Variants in SEMA3A observed in about 807,000 individuals in gnomAD.
SEMA3A encodes the protein semaphorin 3A.
A neutral mutation model predicts 97.9 loss-of-function variants in SEMA3A; 29 were observed. The ratio of observed to expected loss-of-function variants is 0.30; its 90% confidence interval spans 0.22 to 0.40. The LOEUF is 0.40. Among genes scored for constraint, SEMA3A ranks in the 10% least tolerant of loss-of-function variants. SEMA3A has a pLI of 1.00. For missense variants in SEMA3A, 763 were observed against 951.3 expected, an observed-to-expected ratio of 0.80 and a Z score of 2.60; for synonymous variants, 321 against 323.7, an observed-to-expected ratio of 0.99 and a Z score of 0.09.
At chr7:84,414,105 G>A (rs970991462) in intron 1 of SEMA3A, among the ~76,000 whole-genome samples, 1 of 151,962 alleles carries the variant, frequency 6.6e-6, no homozygotes, top group Non-Finnish European at 1.5e-5. Flanking sequence ...GCACCAACTT[G>A]AGCAATTTGA....
chr7:84,214,507 T>G (rs1242834818), intron 3 of SEMA3A, among the ~76,000 whole-genome samples: 1 of 152,150 alleles, frequency 6.6e-6, no homozygotes, highest in African/African-American at 2.4e-5. Context: ...AACATATTAT[T>G]CCAACTTCCT....
At chr7:84,059,092 A>G (rs934125693) in intron 5 of SEMA3A, among the ~76,000 whole-genome samples, 9 of 152,178 alleles carry the variant, frequency 5.9e-5, no homozygotes, top group Non-Finnish European at 1.0e-4. Flanking sequence ...AATAACTATA[A>G]GCTGTAAGTT....
intron 3 of SEMA3A, among the ~76,000 whole-genome samples, chr7:84,244,716 G>C (rs1430019299): frequency 6.6e-6 from 1 of 151,992 alleles, no homozygotes; most frequent in African/African-American, 2.4e-5. Context: ...TTTTTTAGTG[G>C]CTGTTACCAG....
At chr7:84,097,492 A>ATCAG (rs1794811673) in intron 4 of SEMA3A, among the ~76,000 whole-genome samples, 1 of 152,168 alleles carries the variant, frequency 6.6e-6, no homozygotes, top group African/African-American at 2.4e-5. Flanking sequence ...CATACAATGA[A>ATCAG]TCAGTGGCAG....
chr7:84,061,197 G>T (rs958956411), intron 4 of SEMA3A, among the ~76,000 whole-genome samples: 1 of 152,272 alleles, frequency 6.6e-6, no homozygotes, highest in African/African-American at 2.4e-5. Context: ...CCTGGAGGTG[G>T]TGTCAATGGA....
intron 1 of SEMA3A, among the ~76,000 whole-genome samples, chr7:84,466,741 G>A (rs1486787078): frequency 2.0e-5 from 3 of 152,190 alleles, no homozygotes; most frequent in African/African-American, 7.2e-5. Flanking sequence ...CTTGGAAGAA[G>A]CTAGAAGTCG....
chr7:84,235,179 A>G (rs955324182), intron 3 of SEMA3A, among the ~76,000 whole-genome samples: 1 of 152,116 alleles, frequency 6.6e-6, no homozygotes, highest in Non-Finnish European at 1.5e-5. Context: ...TCAATTGTTC[A>G]TAATGGACTT....
At chr7:84,031,290 C>T (rs1791742836) in intron 6 of SEMA3A, among the ~76,000 whole-genome samples, 2 of 151,850 alleles carry the variant, frequency 1.3e-5, no homozygotes, top group African/African-American at 4.8e-5. Context: ...CGTACCTGGC[C>T]CTGTCCAGTA....
intron 1 of SEMA3A, among the ~76,000 whole-genome samples, chr7:84,439,366 T>C (rs1805214670): frequency 6.6e-6 from 1 of 152,142 alleles, no homozygotes; most frequent in South Asian, 2.1e-4. Context: ...GGATAAATTT[T>C]ACTTTCCTGC....
intron 2 of SEMA3A, among the ~76,000 whole-genome samples, chr7:84,313,877 C>T (rs1235831124): frequency 2.0e-5 from 3 of 151,914 alleles, no homozygotes; most frequent in African/African-American, 7.2e-5. Context: ...CCTCTGTGGT[C>T]TTAATCATTT....
At chr7:84,209,384 T>C (rs117271526) in intron 3 of SEMA3A, among the ~76,000 whole-genome samples, 3 of 152,252 alleles carry the variant, frequency 2.0e-5, no homozygotes, top group Non-Finnish European at 4.4e-5. Flanking sequence ...TATTATTAAA[T>C]AACAAATAAA....
intron 1 of SEMA3A, among the ~76,000 whole-genome samples, chr7:84,171,247 C>T (rs903807636): frequency 3.3e-5 from 5 of 151,960 alleles, no homozygotes; most frequent in African/African-American, 1.2e-4. Flanking sequence ...TGTGATGAAC[C>T]AGTGTTAAAA....
chr7:84,032,877 A>C (rs1161114416), intron 6 of SEMA3A, among the ~76,000 whole-genome samples: 1 of 151,938 alleles, frequency 6.6e-6, no homozygotes. Context: ...TATATAAATC[A>C]TATTACATAG....
intron 3 of SEMA3A, among the ~76,000 whole-genome samples, chr7:84,304,772 A>G (rs760049452): frequency 6.6e-6 from 1 of 152,058 alleles, no homozygotes; most frequent in Non-Finnish European, 1.5e-5. Context: ...CAATGACCAT[A>G]TAAAAATAAA....
At chr7:84,351,614 A>G (rs1197239728) in intron 2 of SEMA3A, among the ~76,000 whole-genome samples, 1 of 152,134 alleles carries the variant, frequency 6.6e-6, no homozygotes, top group African/African-American at 2.4e-5. Context: ...CGTGTATATG[A>G]AAAAGTACTC....
rs114527256 is a variant in SEMA3A at position 84,212,432 on chromosome 7, A to G, written c.-82-17764T>C. The stretch of plus-strand genomic sequence containing the variant: ...CCATTTCCCCAACAAGTGTTTTCAC[A>G]GTCCTCTAACAGAAATTGATTCACT... On this transcript the variant is annotated intron_variant, in intron 3 of 3. Coordinates refer to the SEMA3A transcript ENST00000424555. 9.8e-4 allele frequency among the ~76,000 whole-genome samples: 150 copies of G among 152,320 alleles called. 1 individual carries two copies. Among genetic ancestry groups the G allele is most frequent in the African/African-American group, 3.6e-3 (148 of 41,574 alleles).
At chr7:84,236,125 T>C (rs1799231560) in intron 3 of SEMA3A, among the ~76,000 whole-genome samples, 1 of 152,106 alleles carries the variant, frequency 6.6e-6, no homozygotes, top group Non-Finnish European at 1.5e-5. Context: ...TCTTCCAAAC[T>C]TTCCCCTATG....
chr7:84,198,304 T>G (rs2116290343), upstream of SEMA3A, among the ~76,000 whole-genome samples: 1 of 152,228 alleles, frequency 6.6e-6, no homozygotes, highest in East Asian at 1.9e-4. Flanking sequence ...CAAGTAATTC[T>G]CCTGCCTCAG....
At chr7:84,450,196 A>G (rs771238270) in intron 1 of SEMA3A, among the ~76,000 whole-genome samples, 1 of 152,112 alleles carries the variant, frequency 6.6e-6, no homozygotes, top group Admixed American at 6.6e-5. Context: ...CCACTAACAG[A>G]GTACAAGGGT....
Sources: gnomAD v4.1 joint callset for allele counts (sites outside exome capture counted in the v4.1 genomes callset) on GRCh38, gnomAD v4.1.1 for gene constraint, MANE v1.5 for transcripts, NCBI Gene and HGNC (gene_info 2026-07-23, HGNC 2026-07-21) for gene names.